Variants in DNAI3 observed in about 807,000 individuals in gnomAD.
The protein encoded by DNAI3 is dynein axonemal intermediate chain 3.
In DNAI3, 83 loss-of-function variants were observed where a neutral mutation model predicts 115.5. The ratio of observed to expected loss-of-function variants is 0.72; its 90% CI spans 0.60 to 0.86. The LOEUF is 0.86. Ranked by LOEUF, DNAI3 falls within the 40% of genes least tolerant of loss-of-function variation. The pLI, the probability that DNAI3 is intolerant of heterozygous loss-of-function variation, is 0.00. For synonymous variants in DNAI3, 320 were observed against 347.0 expected (o/e 0.92, Z 0.86); for missense variants, 1,004 against 1,075.8 (o/e 0.93, Z 0.93).
intron 7 of DNAI3, among the ~76,000 whole-genome samples, chr1:85,087,253 C>G (rs903139470): frequency 6.6e-6 from 1 of 151,728 alleles, no homozygotes; most frequent in African/African-American, 2.4e-5. Context: ...CTGGCCAACA[C>G]GGTGAAACCC....
At chr1:85,088,487 T>G (rs772506956) in intron 7 of DNAI3, among the ~76,000 whole-genome samples, 2 of 152,152 alleles carry the variant, frequency 1.3e-5, no homozygotes, top group Non-Finnish European at 2.9e-5. Context: ...TATGTGATTA[T>G]ATTGGAGGGA....
At chr1:85,082,246 A>G in intron 4 of DNAI3, 54 bp from the exon 5 acceptor site, 1 of 1,403,960 alleles carries the variant, frequency 7.1e-7, no homozygotes. Context: ...TGGCATCAAA[A>G]TAAACTGAAT....
rs5775817 is a variant in DNAI3, at chr1:85,077,875, TAA to T, written c.104-3348_104-3347del. On this transcript the variant is annotated intron_variant, in intron 3 of 22. Transcript: ENST00000294664. ...AAAAACTAGATAGCAACCAAAATGT[TAA>T]AAAAAAAAAAGAATGTACAATTGAA... Among the ~76,000 whole-genome samples the T allele has an allele frequency of 3.0e-3, 442 of 146,900 alleles. 2 individuals are homozygous for T. Among genetic ancestry groups the T allele is most frequent in the African/African-American group, 0.01 (421 of 40,162 alleles).
intron 3 of DNAI3, among the ~76,000 whole-genome samples, chr1:85,075,119 C>T (rs1447159437): frequency 6.6e-6 from 1 of 152,064 alleles, no homozygotes. Context: ...TCTTGAACTC[C>T]TGGGCTCAAG....
intron 17 of DNAI3, among the ~76,000 whole-genome samples, chr1:85,118,663 A>C (rs1035672058): frequency 1.3e-5 from 2 of 152,200 alleles, no homozygotes; most frequent in Non-Finnish European, 2.9e-5. Flanking sequence ...ACTGTGTCTC[A>C]GGCACAGCAC....
intron 1 of DNAI3, among the ~76,000 whole-genome samples, chr1:85,070,103 A>G (rs938564061): frequency 6.6e-6 from 1 of 152,098 alleles, no homozygotes. Context: ...TCTACTAAAA[A>G]TACAAAAATT....
At chr1:85,087,297 G>A (rs1313923452) in intron 7 of DNAI3, among the ~76,000 whole-genome samples, 2 of 151,840 alleles carry the variant, frequency 1.3e-5, no homozygotes, top group Non-Finnish European at 2.9e-5. Flanking sequence ...TTAGCCAGGC[G>A]TGGTGACGTG....
rs141419156 is a variant in DNAI3 at position 85,094,571 on chromosome 1, T to G, written c.1173+16T>G. On this transcript the variant is annotated intron_variant, in intron 10 of 22. Transcript: ENST00000294664. ...ACATCCTCAGGTAATTAGGGAGAGT[T>G]GCCTACATAGCCTAAATTTTCAAAT... 1.4e-3 allele frequency: 2,309 copies of G among 1,612,444 alleles called. 24 individuals carry two copies. The African/African-American group carries it at 0.027, about 19-fold the overall frequency.
chr1:85,103,423 C>T (rs709771), intron 13 of DNAI3, among the ~76,000 whole-genome samples: 86,056 of 151,788 alleles, frequency 0.57, 24,723 homozygotes, highest in African/African-American at 0.65. Context: ...TTTTATTTGG[C>T]GTCTCATTTA....
intron 7 of DNAI3, among the ~76,000 whole-genome samples, chr1:85,087,640 C>A (rs1654840570): frequency 6.6e-6 from 1 of 151,870 alleles, no homozygotes; most frequent in African/African-American, 2.4e-5. Flanking sequence ...GCTATGTTCC[C>A]AACTCCTAGG....
At chr1:85,128,964 A>G (rs573082931) in intron 21 of DNAI3, among the ~76,000 whole-genome samples, 165 bp downstream of exon 21, 1 of 152,350 alleles carries the variant, frequency 6.6e-6, no homozygotes, top group South Asian at 2.1e-4. Context: ...AAATAGTTTG[A>G]AGCTTTAAAA....
intron 14 of DNAI3, among the ~76,000 whole-genome samples, chr1:85,107,017 C>T (rs937485913): frequency 2.0e-5 from 3 of 152,180 alleles, no homozygotes; most frequent in Non-Finnish European, 2.9e-5. Flanking sequence ...CAACCCAAAA[C>T]TACTTTTGAT....
At chr1:85,080,046 CTTTTTTTTTTTT>C (rs35938324) in intron 3 of DNAI3, among the ~76,000 whole-genome samples, 4 of 68,380 alleles carry the variant, frequency 5.8e-5, no homozygotes, top group Non-Finnish European at 1.1e-4. Flanking sequence ...TTTTCTTTTT[CTTTTTTTTTTTT>C]TTTTTTTTTT....
chr1:85,090,256 T>A, intron 8 of DNAI3, 24 bp downstream of exon 8: 1 of 1,337,062 alleles, frequency 7.5e-7, no homozygotes, highest in Non-Finnish European at 1.0e-6. Flanking sequence ...TATTAAATTT[T>A]AAAAATAAAA....
At chr1:85,128,350 A>T (rs1370809494) in intron 20 of DNAI3, among the ~76,000 whole-genome samples, 1 of 152,136 alleles carries the variant, frequency 6.6e-6, no homozygotes, top group Non-Finnish European at 1.5e-5. Flanking sequence ...TTTTCTTTGA[A>T]AATCTTTCCA....
chr1:85,102,137 C>T (rs1175430950), intron 13 of DNAI3, among the ~76,000 whole-genome samples: 1 of 152,048 alleles, frequency 6.6e-6, no homozygotes, highest in Non-Finnish European at 1.5e-5. Context: ...CAGTGTTTGA[C>T]AGATTAGTAG....
chr1:85,081,481 A>T (rs1288300500), intron 4 of DNAI3, 66 bp downstream of exon 4: 8 of 1,426,096 alleles, frequency 5.6e-6, no homozygotes, highest in Non-Finnish European at 6.5e-6. Flanking sequence ...TAATAACAAA[A>T]GTTGGAGAGG....
intron 3 of DNAI3, 113 bp downstream of exon 3, chr1:85,073,205 C>A (rs1654340923): frequency 1.5e-6 from 1 of 669,202 alleles, no homozygotes; most frequent in South Asian, 4.1e-5. Flanking sequence ...TGTACATGGG[C>A]TAAAATTATA....
At chr1:85,089,903 A>AT (rs1437925604) in intron 7 of DNAI3, among the ~76,000 whole-genome samples, 1 of 152,114 alleles carries the variant, frequency 6.6e-6, no homozygotes, top group East Asian at 1.9e-4. Context: ...CAAAAATAAG[A>AT]TTTTTTTGAT....
Sources: allele counts gnomAD v4.1 joint callset (sites outside exome capture counted in the v4.1 genomes callset), GRCh38; gene constraint gnomAD v4.1.1; transcripts MANE v1.5; gene names NCBI Gene and HGNC (gene_info 2026-07-23, HGNC 2026-07-21).